The following MAP3K20 variants were observed in gnomAD, a reference collection of about 807,000 sequenced individuals.
MAP3K20 encodes HCCS-4.
A neutral mutation model predicts 85.7 loss-of-function variants in MAP3K20; 40 were observed. The observed-to-expected ratio is 0.47, with a 90% confidence interval of 0.36 to 0.61. The LOEUF is 0.61. Among genes scored for constraint, MAP3K20 ranks in the 20% least tolerant of loss-of-function variants. The pLI is 0.00. For synonymous variants in MAP3K20, 325 were observed against 327.7 expected, an observed-to-expected ratio of 0.99 and a Z score of 0.09; for missense variants, 817 against 961.7, an observed-to-expected ratio of 0.85 and a Z score of 1.99.
At chr2:173,203,029 T>G (rs1574105114) in intron 8 of MAP3K20, among the ~76,000 whole-genome samples, 1 of 152,198 alleles carries the variant, frequency 6.6e-6, no homozygotes, top group African/African-American at 2.4e-5. Context: ...CATTTGAAAT[T>G]TTGTGGGATA....
chr2:173,223,264 TG>T (rs1229601646), intron 11 of MAP3K20: 5 of 982,612 alleles, frequency 5.1e-6, no homozygotes, highest in Non-Finnish European at 6.0e-6. Flanking sequence ...CTCAGAATCC[TG>T]GGCTCAGTTG....
At chr2:173,215,136 T>C (rs142943225) in intron 10 of MAP3K20, among the ~76,000 whole-genome samples, 1 of 152,292 alleles carries the variant, frequency 6.6e-6, no homozygotes, top group East Asian at 1.9e-4. Flanking sequence ...ACAAGTGAAA[T>C]AGAATGTAGT....
intron 2 of MAP3K20, among the ~76,000 whole-genome samples, chr2:173,106,181 A>T (rs951804585): frequency 1.3e-5 from 2 of 152,222 alleles, no homozygotes; most frequent in Non-Finnish European, 2.9e-5. Flanking sequence ...AATTTTTTGT[A>T]GAAATTGATA....
intron 2 of MAP3K20, among the ~76,000 whole-genome samples, chr2:173,158,265 C>G (rs1689540732): frequency 6.6e-6 from 1 of 152,144 alleles, no homozygotes; most frequent in East Asian, 1.9e-4. Flanking sequence ...AAGTTGAAAT[C>G]TCTTTGAGCA....
intron 2 of MAP3K20, among the ~76,000 whole-genome samples, chr2:173,096,243 A>G (rs1687455903): frequency 6.6e-6 from 1 of 152,238 alleles, no homozygotes; most frequent in Non-Finnish European, 1.5e-5. Flanking sequence ...TGAGAAATGT[A>G]AATACCACAT....
At chr2:173,098,027 T>C (rs1425923490) in intron 2 of MAP3K20, among the ~76,000 whole-genome samples, 1 of 152,220 alleles carries the variant, frequency 6.6e-6, no homozygotes, top group East Asian at 1.9e-4. Flanking sequence ...TTTGTTTTAA[T>C]TGTAAGTGCT....
intron 2 of MAP3K20, among the ~76,000 whole-genome samples, chr2:173,113,509 T>A (rs748358438): frequency 6.6e-6 from 1 of 152,088 alleles, no homozygotes; most frequent in Non-Finnish European, 1.5e-5. Flanking sequence ...GCTCGTTCAG[T>A]CTTTGATGTA....
chr2:173,165,422 G>A (rs911674980), intron 2 of MAP3K20, among the ~76,000 whole-genome samples: 2 of 151,640 alleles, frequency 1.3e-5, no homozygotes, highest in Admixed American at 6.6e-5. Context: ...GTCTAAAAAT[G>A]TATATATATT....
intron 2 of MAP3K20, among the ~76,000 whole-genome samples, chr2:173,162,017 C>T: frequency 6.6e-6 from 1 of 152,140 alleles, no homozygotes; most frequent in Middle Eastern, 3.4e-3. Flanking sequence ...TATAACATGC[C>T]TGTACTGCTT....
At chr2:173,239,580 C>A in intron 16 of MAP3K20, 84 bp downstream of exon 16, 1 of 1,184,872 alleles carries the variant, frequency 8.4e-7, no homozygotes, top group Non-Finnish European at 1.2e-6. Context: ...TTTATACACC[C>A]CCTACCAGCT....
In MAP3K20 at chr2:173,081,209, T is replaced by C. The variant is rs199787071; in HGVS notation, c.-35+5207T>C. On this transcript the variant is annotated intron_variant, in intron 1 of 19. Transcript: ENST00000375213. The stretch of plus-strand genomic sequence containing the variant: ...GACAAATTTTTTTTTTTTTTTTTTT[T>C]AGAAACAGAGTCTTGCTATGTTGTC... 1.0e-3 allele frequency among the ~76,000 whole-genome samples: 145 copies of C among 144,038 alleles called. 3 individuals carry two copies. In the East Asian group the frequency reaches 0.024, roughly 24 times the overall value. 94.5% of individuals were successfully genotyped at this position (144,038 alleles called of 152,430 possible).
At chr2:173,148,321 A>G (rs1199675365) in intron 2 of MAP3K20, among the ~76,000 whole-genome samples, 1 of 152,220 alleles carries the variant, frequency 6.6e-6, no homozygotes, top group African/African-American at 2.4e-5. Context: ...CTCTTGGGTT[A>G]GAAAACCTTC....
At chr2:173,192,275 T>C (rs1043526398) in intron 7 of MAP3K20, among the ~76,000 whole-genome samples, 1 of 152,200 alleles carries the variant, frequency 6.6e-6, no homozygotes, top group East Asian at 1.9e-4. Context: ...TTTTGTTTTG[T>C]TTTGTTTTCT....
At chr2:173,224,935 G>C in intron 11 of MAP3K20, 1 of 984,632 alleles carries the variant, frequency 1.0e-6, no homozygotes, top group Non-Finnish European at 1.2e-6. Context: ...TATCAGTGTT[G>C]GATTTAGTTC....
rs563734341 is a variant in MAP3K20, at chr2:173,190,283, T to C, written c.416-612T>C. On this transcript the variant is annotated intron_variant, in intron 5 of 19. Coordinates refer to ENST00000375213, the MANE Select transcript of MAP3K20 (RefSeq NM_016653.3). ...TGTTCTTTGGCTCTATAGTATTGTT[T>C]CTCTCATCATGGAATCTATCCCAGT... Among the ~76,000 whole-genome samples the C allele has an allele frequency of 2.0e-5, 3 of 152,278 alleles. No individual in the cohort carries two copies. The South Asian group carries it at 6.2e-4, about 32-fold the overall frequency.
At chr2:173,087,017 G>C (rs1273124779) in intron 1 of MAP3K20, among the ~76,000 whole-genome samples, 2 of 152,160 alleles carry the variant, frequency 1.3e-5, no homozygotes, top group Admixed American at 1.3e-4. Flanking sequence ...TACATGACTT[G>C]GTTGAAACCT....
intron 19 of MAP3K20, 103 bp from the exon 20 acceptor site, chr2:173,265,947 T>G: frequency 8.3e-7 from 1 of 1,200,022 alleles, no homozygotes; most frequent in Admixed American, 2.4e-5. Flanking sequence ...TGGTAAAGCT[T>G]AGAGCATCCC....
At chr2:173,112,240 ATT>A (rs1687996773) in intron 2 of MAP3K20, among the ~76,000 whole-genome samples, 2 of 152,092 alleles carry the variant, frequency 1.3e-5, no homozygotes, top group Admixed American at 1.3e-4. Flanking sequence ...AGAGCTACTG[ATT>A]TGTGTATATT....
At chr2:173,225,878 G>T (rs992486276) in intron 11 of MAP3K20, 1 of 983,110 alleles carries the variant, frequency 1.0e-6, no homozygotes, top group African/African-American at 1.8e-5. Flanking sequence ...ACCAGGGCAG[G>T]TCACTTTCCC....
Sources: allele counts gnomAD v4.1 joint callset (sites outside exome capture counted in the v4.1 genomes callset), GRCh38; gene constraint gnomAD v4.1.1; transcripts MANE v1.5; gene names NCBI Gene and HGNC (gene_info 2026-07-23, HGNC 2026-07-21).